ZFP82: variants seen among roughly 807,000 people sequenced by gnomAD.
The protein encoded by ZFP82 is ZFP82 zinc finger protein.
ZFP82 carries 30 observed loss-of-function variants against 54.0 expected under a neutral mutation model. That is an observed-to-expected ratio of 0.56 (90% CI 0.42 to 0.75). The LOEUF is 0.75. Ranked by LOEUF, ZFP82 falls within the 30% of genes least tolerant of loss-of-function variation. ZFP82 has a pLI of 0.00. For missense variants in ZFP82, 500 were observed against 636.8 expected (o/e 0.79, Z 2.31); for synonymous variants, 194 against 209.5 (o/e 0.93, Z 0.64).
At chr19:36,385,035 A>G (rs1344342703), downstream of ZFP82, among the ~76,000 whole-genome samples, 2 of 152,186 alleles carry the variant, frequency 1.3e-5, no homozygotes, top group Non-Finnish European at 2.9e-5. Context: ...TGTGTCCCCC[A>G]AAGTTCATTT....
intron 2 of ZFP82, 144 bp downstream of exon 2, chr19:36,409,637 G>C: frequency 1.3e-6 from 1 of 786,272 alleles, no homozygotes; most frequent in Admixed American, 2.0e-5. Context: ...CATAGGACAA[G>C]CATTGTGGTT....
At chr19:36,396,188 G>A (rs1460433814) in intron 4 of ZFP82, 7 of 151,812 alleles carry the variant, frequency 4.6e-5, no homozygotes, top group Admixed American at 4.6e-4. Flanking sequence ...TTACAGGCAT[G>A]AGCCAGGCCA....
At chr19:36,387,441 T>C (rs2032128426), downstream of ZFP82, among the ~76,000 whole-genome samples, 1 of 152,176 alleles carries the variant, frequency 6.6e-6, no homozygotes, top group South Asian at 2.1e-4. Flanking sequence ...GGGTTCTTTA[T>C]CAAAAGATGA....
intron 2 of ZFP82, 150 bp downstream of exon 2, chr19:36,409,631 G>A: frequency 2.6e-6 from 2 of 761,118 alleles, no homozygotes; most frequent in East Asian, 2.5e-5. Context: ...AGTGTTCATA[G>A]GACAAGCATT....
chr19:36,415,207 CAT>C (rs987886536), intron 1 of ZFP82, among the ~76,000 whole-genome samples: 1 of 152,112 alleles, frequency 6.6e-6, no homozygotes, highest in Non-Finnish European at 1.5e-5. Context: ...AAAACAAACA[CAT>C]GTGCACAAGT....
At chr19:36,402,928 G>C (rs1372343287) in intron 4 of ZFP82, among the ~76,000 whole-genome samples, 1 of 151,870 alleles carries the variant, frequency 6.6e-6, no homozygotes, top group African/African-American at 2.4e-5. Flanking sequence ...CACGAGATCA[G>C]GAGATTGAGA....
Position 36,394,128 on chromosome 19 carries a change from A to C in ZFP82, c.230-18T>G. 1 of 1,586,258 alleles carries C rather than the reference A, an allele frequency of 6.3e-7. No homozygotes were observed. ...CTCCAAATCTAAAATAAAACAAGAA[A>C]GCAAACACATGCTGTTTTCTTTTAC... is the stretch of plus-strand genomic sequence containing the variant. On this transcript the variant is annotated intron_variant, in intron 4 of 4. Coordinates refer to ENST00000392161, the MANE Select transcript of ZFP82 (RefSeq NM_133466.4).
chr19:36,393,309 C>G lies in ZFP82; in HGVS notation c.1031G>C (p.Gly344Ala), dbSNP rs201438784. The G allele has an allele frequency of 4.3e-5, 70 of 1,613,916 alleles. No homozygotes were observed. In the Admixed American group the frequency reaches 4.8e-4, roughly 11 times the overall value. Residue 344 changes from glycine to alanine, a missense_variant, in exon 5 of 5, where the codon GGG becomes GCG. Physicochemically the swap from Gly to Ala is moderately conservative, Grantham distance 60. Transcript: ENST00000392161. ...GEKPYECKEC[G>A]KAFRVRQQLT... ...TTGTTGTCGCACTCTAAAGGCCTTCCCGCATTCCTTACATTCATAGGGTTT... is the reference window on the plus strand; with the variant it reads ...TTGTTGTCGCACTCTAAAGGCCTTCGCGCATTCCTTACATTCATAGGGTTT...
intron 1 of ZFP82, among the ~76,000 whole-genome samples, chr19:36,413,900 AT>A (rs534093783): frequency 0.16 from 21,488 of 137,900 alleles, 1,295 homozygotes; most frequent in Non-Finnish European, 0.2. Flanking sequence ...ATCTTCAATA[AT>A]TTTTTTTTTT....
chr19:36,387,844 C>T (rs1350870403), downstream of ZFP82, among the ~76,000 whole-genome samples: 2 of 152,182 alleles, frequency 1.3e-5, no homozygotes, highest in East Asian at 1.9e-4. Context: ...AAACTCCTAA[C>T]CTCAAGTGAT....
rs2032218890 is a variant in ZFP82, at chr19:36,392,610, C to CTACAA, written c.*126_*130dup. 2.6e-6 allele frequency: 2 copies of CTACAA among 755,560 alleles called. No homozygotes were observed. The highest frequency in any genetic ancestry group is 5.6e-5 in the East Asian group (2 of 35,736). 46.8% of individuals were successfully genotyped at this position (755,560 alleles called of 1,614,324 possible). A position where few individuals can be genotyped will look rare whatever the true frequency, so the allele number is the denominator to read the frequency against. On this transcript the variant is annotated 3_prime_UTR_variant, in exon 5 of 5. Transcript: ENST00000392161. ...AGTTTCAGGTTTGAGTGATGATGGA[C>CTACAA]TACAATACATTGTCACACTCTTTTA...
intron 4 of ZFP82, among the ~76,000 whole-genome samples, chr19:36,403,860 T>C (rs1444415791): frequency 2.0e-5 from 2 of 98,574 alleles, no homozygotes; most frequent in Admixed American, 1.2e-4. Flanking sequence ...TGATAAAACA[T>C]ATATGATTAT....
intron 4 of ZFP82, among the ~76,000 whole-genome samples, chr19:36,400,402 A>T (rs2145586362): frequency 6.6e-6 from 1 of 152,342 alleles, no homozygotes; most frequent in Non-Finnish European, 1.5e-5. Context: ...ATGTACAAAG[A>T]TCTGAAAATA....
chr19:36,409,817 C>A lies in ZFP82; in HGVS notation c.-28G>T. On this transcript the variant is annotated 5_prime_UTR_variant, in exon 2 of 5. Transcript: ENST00000392161. ...TATAGAAATTCAAGAACTGGTCAGT[C>A]CTCCTTGGGGTTTACTTGCCAGGAG... 6.2e-7 allele frequency: 1 copy of A among 1,613,764 alleles called. No individual in the cohort carries two copies. Among genetic ancestry groups the A allele is most frequent in the Non-Finnish European group, 8.5e-7 (1 of 1,179,816 alleles).
intron 4 of ZFP82, among the ~76,000 whole-genome samples, chr19:36,400,956 C>T (rs1173098818): frequency 6.6e-6 from 1 of 152,170 alleles, no homozygotes; most frequent in African/African-American, 2.4e-5. Context: ...TACCAGGATT[C>T]TCCATCTTGC....
rs2145575239 is a variant in ZFP82 at position 36,389,128 on chromosome 19, C to T, written c.*3613G>A. 6.6e-6 allele frequency among the ~76,000 whole-genome samples: 1 copy of T among 151,698 alleles called. No homozygotes were observed. The highest frequency in any genetic ancestry group is 2.1e-4 in the South Asian group (1 of 4,796). On this transcript the variant is annotated 3_prime_UTR_variant, in exon 5 of 5. Transcript: ENST00000392161. ...GATCTCAGCTCACTGCAACCTCCGCCTCCTGGGTTCAAGCGATTTTCCTGC... is the reference window on the plus strand; with the variant it reads ...GATCTCAGCTCACTGCAACCTCCGCTTCCTGGGTTCAAGCGATTTTCCTGC...
At position 36,405,602 on chromosome 19, in the gene ZFP82, C is replaced by A; in HGVS notation, c.207G>T (p.Arg69Ser). The change falls in exon 4 of 5, where the codon AGG (arginine) becomes AGT (serine). Residue 69 changes from arginine (R) to serine (S), a missense_variant. Physicochemically the swap from Arg to Ser is moderately radical, Grantham distance 110 (BLOSUM62 -1). Coordinates refer to ENST00000392161, the MANE Select transcript of ZFP82 (RefSeq NM_133466.4). ...CACCTGGATATTGTCTTCTTCCTTT[C>A]CTCACAACTTTCCAAGGCTCTTTTC... ...EQGKEPWKVV[R>S]KGRRQYPDLE... The A allele has an allele frequency of 6.2e-7, 1 of 1,611,240 alleles. No homozygotes were observed. The highest frequency in any genetic ancestry group is 8.5e-7 in the Non-Finnish European group (1 of 1,177,972).
chr19:36,410,008 C>CAG (rs150965804), intron 1 of ZFP82, 141 bp from the exon 2 acceptor site: 64 of 498,506 alleles, frequency 1.3e-4, no homozygotes, highest in African/African-American at 6.9e-4. Context: ...CACACATAGG[C>CAG]AGAGAGAGAG....
chr19:36,402,338 G>A (rs929486456), intron 4 of ZFP82, among the ~76,000 whole-genome samples: 5 of 151,800 alleles, frequency 3.3e-5, no homozygotes, highest in Non-Finnish European at 7.4e-5. Flanking sequence ...GCATGGTGGC[G>A]GGCGCCTGTA....
Sources: gnomAD v4.1 joint callset for allele counts (sites outside exome capture counted in the v4.1 genomes callset) on GRCh38, gnomAD v4.1.1 for gene constraint, MANE v1.5 for transcripts, NCBI Gene and HGNC (gene_info 2026-07-23, HGNC 2026-07-21) for gene names.